Variants in TBCEL observed in about 807,000 individuals in gnomAD.
The protein encoded by TBCEL is tubulin-specific chaperone cofactor E-like protein.
TBCEL carries 15 observed loss-of-function variants against 44.2 expected under a neutral mutation model. The observed-to-expected ratio is 0.34, with a 90% CI of 0.23 to 0.52. The LOEUF (loss-of-function observed/expected upper bound fraction) is 0.52. Among genes scored for constraint, TBCEL ranks in the 20% least tolerant of loss-of-function variants. The pLI, the probability that TBCEL is intolerant of heterozygous loss-of-function variation, is 0.95. For missense variants in TBCEL, 319 were observed against 506.3 expected (o/e 0.63, Z 3.55); for synonymous variants, 171 against 185.4 (o/e 0.92, Z 0.63).
chr11:121,058,615 C>G lies in TBCEL; in HGVS notation c.839+144C>G, dbSNP rs920042367. 4 of 1,014,798 alleles carry G rather than the reference C, an allele frequency of 3.9e-6. No individual in the cohort carries two copies. The African/African-American group carries it at 6.6e-5, about 17-fold the overall frequency. 62.9% of individuals were successfully genotyped at this position (1,014,798 alleles called of 1,614,324 possible). Reference sequence around the variant, plus strand: ...CTTGAGGGAGCTGCCCCTGTAGCTCCAAATCCTGGATGAAAAGGAATGCGA... The same window carrying G: ...CTTGAGGGAGCTGCCCCTGTAGCTCGAAATCCTGGATGAAAAGGAATGCGA... On this transcript the variant is annotated intron_variant, in intron 7 of 8. Transcript: ENST00000683345.
At chr11:121,047,969 G>A (rs965499292) in intron 4 of TBCEL, 1 of 190,886 alleles carries the variant, frequency 5.2e-6, no homozygotes, top group Non-Finnish European at 1.0e-5. Context: ...GCAAATAACT[G>A]ACTCTATCTA....
intron 8 of TBCEL, among the ~76,000 whole-genome samples, chr11:121,086,163 T>C (rs1946213356): frequency 6.6e-6 from 1 of 152,152 alleles, no homozygotes; most frequent in South Asian, 2.1e-4. Flanking sequence ...TTTTCCTTTG[T>C]ATTCCTTCCT....
intron 4 of TBCEL, among the ~76,000 whole-genome samples, chr11:121,052,712 A>G (rs183571024): frequency 1.1e-3 from 163 of 152,024 alleles, no homozygotes; most frequent in African/African-American, 3.8e-3. Context: ...TATATTGGAA[A>G]GAAAAATGGC....
rs745927020 is a variant in TBCEL, at chr11:121,087,102, A to G, written c.*6A>G. ...TGGAATCCAAAACAAAATAACCTCT[A>G]CCAGCCTTGTGAAAAACATACACAT... On this transcript the variant is annotated 3_prime_UTR_variant, in exon 9 of 9. Transcript: ENST00000683345. 6.2e-7 allele frequency: 1 copy of G among 1,606,398 alleles called. No individual in the cohort carries two copies. The highest frequency in any genetic ancestry group is 1.1e-5 in the South Asian group (1 of 89,714).
intron 8 of TBCEL, among the ~76,000 whole-genome samples, chr11:121,062,790 G>A (rs1945748126): frequency 6.6e-6 from 1 of 152,094 alleles, no homozygotes; most frequent in Admixed American, 6.6e-5. Flanking sequence ...AGGAACCAAG[G>A]GAGTCAAGGA....
chr11:121,034,282 T>G (rs1391334258), intron 1 of TBCEL, among the ~76,000 whole-genome samples: 3 of 152,206 alleles, frequency 2.0e-5, no homozygotes, highest in Non-Finnish European at 4.4e-5. Context: ...TTATAAATTA[T>G]TAACTCTTGC....
rs565446437 is a variant in TBCEL at position 121,037,419 on chromosome 11, C to T, written c.-18+807C>T. ...GCTCAAGGGTAATAACTGAGATAGA[C>T]TCACAGGTATAGATACTTCAGGATA... On this transcript the variant is annotated intron_variant, in intron 2 of 8. Transcript: ENST00000683345. 1.5e-3 allele frequency among the ~76,000 whole-genome samples: 223 copies of T among 152,264 alleles called. 3 individuals are homozygous for T. Among genetic ancestry groups the T allele is most frequent in the Admixed American group, 4.0e-3 (61 of 15,296 alleles).
intron 2 of TBCEL, among the ~76,000 whole-genome samples, chr11:121,042,826 C>T (rs1039626071): frequency 6.6e-6 from 1 of 152,012 alleles, no homozygotes; most frequent in African/African-American, 2.4e-5. Flanking sequence ...TATTACAAAC[C>T]TGAGAGGAAG....
At chr11:121,037,533 G>A (rs189203066) in intron 2 of TBCEL, among the ~76,000 whole-genome samples, 1 of 152,174 alleles carries the variant, frequency 6.6e-6, no homozygotes, top group Non-Finnish European at 1.5e-5. Flanking sequence ...ATATGGGAGA[G>A]ATAGCTGTCA....
At chr11:121,080,809 G>A (rs1258549782) in intron 8 of TBCEL, among the ~76,000 whole-genome samples, 2 of 152,192 alleles carry the variant, frequency 1.3e-5, no homozygotes, top group African/African-American at 4.8e-5. Context: ...GGAATCAAGA[G>A]TGAGGATTGG....
chr11:121,079,389 A>G (rs535398666), intron 8 of TBCEL, among the ~76,000 whole-genome samples: 106 of 152,236 alleles, frequency 7.0e-4, no homozygotes, highest in Non-Finnish European at 1.2e-3. Flanking sequence ...AATAATTTCT[A>G]GAACAGTATT....
In TBCEL at chr11:121,047,663, A is replaced by G. The variant is rs745954364; in HGVS notation, c.269A>G (p.His90Arg). Residue 90 changes from histidine to arginine, a missense_variant, in exon 4 of 9, where the codon CAT becomes CGT. Transcript: ENST00000683345. ...DLSDNKLEDWHEVSKIVSNVP... is the reference protein window; with the variant it reads ...DLSDNKLEDWREVSKIVSNVP... ...TCTGACAACAAACTCGAAGACTGGC[A>G]TGAGGTGAAGTTTTTATATTGCTAC... The G allele has an allele frequency of 6.2e-7, 1 of 1,612,248 alleles. No homozygotes were observed. Among genetic ancestry groups the G allele is most frequent in the Non-Finnish European group, 8.5e-7 (1 of 1,178,926 alleles).
chr11:121,029,343 A>ATT (rs1360251669), intron 1 of TBCEL, among the ~76,000 whole-genome samples: 1 of 152,148 alleles, frequency 6.6e-6, no homozygotes, highest in East Asian at 1.9e-4. Context: ...CAGCTCCTCC[A>ATT]TTTGTCTGGA....
chr11:121,055,239 A>C lies in TBCEL; in HGVS notation c.643A>C (p.Ile215Leu). 1 of 1,612,076 alleles carries C rather than the reference A, an allele frequency of 6.2e-7. No individual in the cohort carries two copies. The highest frequency in any genetic ancestry group is 8.5e-7 in the Non-Finnish European group (1 of 1,178,918). Residue 215 changes from isoleucine to leucine, a missense_variant, in exon 6 of 9, where the codon ATT becomes CTT. Transcript: ENST00000683345. The stretch of plus-strand genomic sequence containing the variant: ...CCTGGCCAACAATCATTTGAATGCT[A>C]TTGAGGAGCCTGATGATTCATTGGC... ...LVLANNHLNA[I>L]EEPDDSLARL... is the part of the protein sequence containing the mutation.
chr11:121,075,157 A>T (rs1946010844), intron 8 of TBCEL, among the ~76,000 whole-genome samples: 1 of 152,010 alleles, frequency 6.6e-6, no homozygotes, highest in Non-Finnish European at 1.5e-5. Flanking sequence ...AGCTTACTAT[A>T]TAGTCACAGT....
At chr11:121,049,362 C>G (rs547802244) in intron 4 of TBCEL, among the ~76,000 whole-genome samples, 7 of 151,726 alleles carry the variant, frequency 4.6e-5, no homozygotes, top group Non-Finnish European at 1.0e-4. Flanking sequence ...CTATCCATAA[C>G]CTAGTTTTGG....
At chr11:121,026,221 AG>A in intron 1 of TBCEL, among the ~76,000 whole-genome samples, 1 of 152,348 alleles carries the variant, frequency 6.6e-6, no homozygotes, top group East Asian at 1.9e-4. Context: ...CATAAACCTA[AG>A]TATAACTTTC....
rs764092247 is a variant in TBCEL, at chr11:121,045,788, A to G, written c.98A>G (p.His33Arg). ...PYRRGPGMGV[H>R]VPATPQGSPM... ...CGCCGTGGCCCGGGGATGGGAGTCCATGTCCCAGCCACACCTCAGGGCTCT... is the reference window on the plus strand; with the variant it reads ...CGCCGTGGCCCGGGGATGGGAGTCCGTGTCCCAGCCACACCTCAGGGCTCT... The change falls in exon 3 of 9, where the codon CAT (histidine) becomes CGT (arginine). Residue 33 changes from histidine (H) to arginine (R), a missense_variant. His to Arg is a conservative substitution (Grantham distance 29, BLOSUM62 0). Coordinates refer to ENST00000683345, the MANE Select transcript of TBCEL (RefSeq NM_001363644.2). 48 of 1,611,122 alleles carry G rather than the reference A, an allele frequency of 3.0e-5. No homozygotes were observed. Among genetic ancestry groups the G allele is most frequent in the Non-Finnish European group, 3.8e-5 (45 of 1,178,982 alleles).
chr11:121,048,072 G>A (rs989872708), intron 4 of TBCEL, among the ~76,000 whole-genome samples: 11 of 151,572 alleles, frequency 7.3e-5, no homozygotes, highest in African/African-American at 2.7e-4. Context: ...AATCACTAAG[G>A]AAATTTAGGC....
Sources: allele counts gnomAD v4.1 joint callset (sites outside exome capture counted in the v4.1 genomes callset), GRCh38; gene constraint gnomAD v4.1.1; transcripts MANE v1.5; gene names NCBI Gene and HGNC (gene_info 2026-07-23, HGNC 2026-07-21).